Variants in SACS observed in about 807,000 individuals in gnomAD.
SACS encodes the protein sacsin molecular chaperone, also known as sacsin.
In SACS, 197 loss-of-function variants were observed where a neutral mutation model predicts 348.0. The observed-to-expected ratio is 0.57, with a 90% CI of 0.50 to 0.64. The LOEUF (loss-of-function observed/expected upper bound fraction) is 0.64, where lower values mean the gene tolerates loss of function less well. Ranked by LOEUF, SACS falls within the 30% of genes least tolerant of loss-of-function variation. The pLI is 0.00. For missense variants in SACS, 4,999 were observed against 5,360.8 expected, an observed-to-expected ratio of 0.93 and a Z score of 2.11; for synonymous variants, 1,985 against 1,910.6, an observed-to-expected ratio of 1.04 and a Z score of -1.02.
At chr13:23,359,331 A>G (rs1450404128) in intron 6 of SACS, among the ~76,000 whole-genome samples, 3 of 152,210 alleles carry the variant, frequency 2.0e-5, no homozygotes, top group African/African-American at 7.2e-5. Flanking sequence ...AAATATACAC[A>G]ATTTATTTTA....
At chr13:23,356,065 A>G in intron 7 of SACS, 58 bp from the exon 8 acceptor site, 7 of 1,355,026 alleles carry the variant, frequency 5.2e-6, no homozygotes, top group Non-Finnish European at 7.2e-6. Context: ...AATTATGATT[A>G]CAATTATAAT....
Position 23,340,208 on chromosome 13 carries a change from G to A in SACS, c.3668C>T (p.Ala1223Val). 1 of 1,610,864 alleles carries A rather than the reference G, an allele frequency of 6.2e-7. No homozygotes were observed. Among genetic ancestry groups the A allele is most frequent in the East Asian group, 2.2e-5 (1 of 44,836 alleles). ...AACAATTTTAAAGTGTTTTAAGACA[G>A]CACTAAGGCTAGGTTTTGTGAAGAT... is the stretch of plus-strand genomic sequence containing the variant. ...LGIFTKPSLS[A>V]VLKHFKIVVD... Residue 1223 changes from alanine (A) to valine (V), a missense_variant, in exon 10 of 10, where the codon GCT becomes GTT. Around this residue, in one of 6 missense-constraint regions of SACS, gnomAD observed 3,156 missense variants for 3,380.1 expected, o/e 0.93. Coordinates refer to ENST00000382292, the MANE Select transcript of SACS (RefSeq NM_014363.6).
In SACS at chr13:23,421,486, G is replaced by A. The variant is rs1298410972; in HGVS notation, c.-501-9746C>T. The stretch of plus-strand genomic sequence containing the variant: ...CCTGGAACCTGAGTATTTACCTGGG[G>A]TCTGATATGCACCCAGGCCTGTTGC... On this transcript the variant is annotated intron_variant, in intron 1 of 9. Transcript: ENST00000382292. Among the ~76,000 whole-genome samples, 4 of 152,074 alleles carry A rather than the reference G, an allele frequency of 2.6e-5. 1 individual carries two copies. The highest frequency in any genetic ancestry group is 2.6e-4 in the Admixed American group (4 of 15,262).
chr13:23,395,604 T>A (rs913496988), intron 2 of SACS, among the ~76,000 whole-genome samples: 1 of 152,124 alleles, frequency 6.6e-6, no homozygotes, highest in African/African-American at 2.4e-5. Flanking sequence ...ATCACCGGAA[T>A]CTTAGGCCTC....
intron 6 of SACS, among the ~76,000 whole-genome samples, chr13:23,361,431 C>A (rs1870728272): frequency 6.6e-6 from 1 of 152,108 alleles, no homozygotes; most frequent in South Asian, 2.1e-4. Context: ...TGGCCTGTAT[C>A]TACTCTGATC....
intron 1 of SACS, among the ~76,000 whole-genome samples, chr13:23,420,192 G>A (rs1873868834): frequency 6.6e-6 from 1 of 152,152 alleles, no homozygotes; most frequent in Non-Finnish European, 1.5e-5. Context: ...ATACCCAACT[G>A]GGGCCTGCTC....
intron 2 of SACS, among the ~76,000 whole-genome samples, chr13:23,407,499 T>C (rs1326712647): frequency 6.6e-6 from 1 of 152,158 alleles, no homozygotes; most frequent in Non-Finnish European, 1.5e-5. Context: ...ACGCCCGGCC[T>C]GTTTTTCTTT....
chr13:23,392,825 A>T (rs1311174426), intron 2 of SACS, among the ~76,000 whole-genome samples: 2 of 152,164 alleles, frequency 1.3e-5, no homozygotes, highest in Non-Finnish European at 2.9e-5. Flanking sequence ...CATAGAAGGG[A>T]CAAGACAGGC....
chr13:23,338,539 C>G lies in SACS; in HGVS notation c.5337G>C (p.Ser1779=). Residue 1779 remains serine (S), a synonymous_variant, in exon 10 of 10, where the codon TCG becomes TCC. Coordinates refer to ENST00000382292, the MANE Select transcript of SACS (RefSeq NM_014363.6). ...CATCATCTGGACCTCTAAAAAGTGGCGACTGTAAATCAGCAATCCTTCTGA... is the reference window on the plus strand; with the variant it reads ...CATCATCTGGACCTCTAAAAAGTGGGGACTGTAAATCAGCAATCCTTCTGA... The part of the protein sequence containing the change: ...HVFRRIADLQ[S]PLFRGPDDDP... 1 of 1,614,072 alleles carries G rather than the reference C, an allele frequency of 6.2e-7. No homozygotes were observed. Among genetic ancestry groups the G allele is most frequent in the Non-Finnish European group, 8.5e-7 (1 of 1,179,984 alleles).
At chr13:23,413,381 A>T (rs1396445896) in intron 1 of SACS, among the ~76,000 whole-genome samples, 1 of 152,244 alleles carries the variant, frequency 6.6e-6, no homozygotes, top group East Asian at 1.9e-4. Context: ...GTTCTCTTAG[A>T]CATTATCATA....
rs1246013998 is a variant in SACS at position 23,340,392 on chromosome 13, C to A, written c.3484G>T (p.Glu1162Ter). ...GAGCCTGGATAATTTGGAGGCCTTT[C>A]CTTGCAGGCTGGAACCCATTTTATT... Reference protein sequence around the residue: ...KKIKWVPACKERPPNYPGSLV... With the variant: ...KKIKWVPACK Residue 1162 changes from glutamate (E) to a stop codon, truncating the protein, a stop_gained, in exon 10 of 10, where the codon GAA becomes TAA. Transcript: ENST00000382292. LOFTEE classifies it high-confidence loss of function. 2 of 1,614,140 alleles carry A rather than the reference C, an allele frequency of 1.2e-6. No homozygotes were observed. Among genetic ancestry groups the A allele is most frequent in the Non-Finnish European group, 1.7e-6 (2 of 1,180,024 alleles).
chr13:23,392,925 G>A (rs995280044), intron 2 of SACS, among the ~76,000 whole-genome samples: 1 of 152,090 alleles, frequency 6.6e-6, no homozygotes, highest in Admixed American at 6.6e-5. Flanking sequence ...TGAAATACTG[G>A]GCAGGACTGA....
chr13:23,430,752 C>T (rs1874403014), intron 1 of SACS, among the ~76,000 whole-genome samples: 1 of 152,122 alleles, frequency 6.6e-6, no homozygotes. Flanking sequence ...ACTGTAGAGC[C>T]CTTATTTTCT....
chr13:23,415,070 T>G (rs1332388173), intron 1 of SACS, among the ~76,000 whole-genome samples: 1 of 152,126 alleles, frequency 6.6e-6, no homozygotes, highest in Non-Finnish European at 1.5e-5. Flanking sequence ...CTCGCTCTGT[T>G]GCCTAGGCTG....
chr13:23,355,127 A>G lies in SACS; in HGVS notation c.1485T>C (p.Phe495=), dbSNP rs779933721. 9 of 1,614,094 alleles carry G rather than the reference A, an allele frequency of 5.6e-6. No homozygotes were observed. Among genetic ancestry groups the G allele is most frequent in the Non-Finnish European group, 7.6e-6 (9 of 1,180,040 alleles). The change falls in exon 8 of 10, where the codon TTT becomes TTC. Residue 495 remains phenylalanine, a synonymous_variant. Transcript: ENST00000382292. ...CTTTGGGGACAACATTCATGACAAG[A>G]AACTCATTCCATAAGGCTGCCGGGT... ...WRDPAALWNE[F]LVMNVVPKAY...
Position 23,341,338 on chromosome 13 carries a change from T to G in SACS, c.2538A>C (p.Lys846Asn). 6.2e-7 allele frequency: 1 copy of G among 1,605,214 alleles called. No individual in the cohort carries two copies. Among genetic ancestry groups the G allele is most frequent in the Non-Finnish European group, 8.5e-7 (1 of 1,175,344 alleles). Reference sequence around the variant, plus strand: ...ATTTTTTAAGGACAAACCCTCCAAGTTTTTGTACAATGTCTGCTAAAAATT... The same window carrying G: ...ATTTTTTAAGGACAAACCCTCCAAGGTTTTGTACAATGTCTGCTAAAAATT... ...LPEFLADIVQKLGGFVLKKLD... is the reference protein window; with the variant it reads ...LPEFLADIVQNLGGFVLKKLD... Residue 846 changes from lysine to asparagine, a missense_variant, in exon 10 of 10, where the codon AAA (lysine) becomes AAC (asparagine). Transcript: ENST00000382292.
Position 23,331,004 on chromosome 13 carries a change from T to C in SACS, c.12872A>G (p.Lys4291Arg). Residue 4291 changes from lysine (K) to arginine (R), a missense_variant, in exon 10 of 10, where the codon AAA becomes AGA. Lys to Arg is a conservative substitution (Grantham distance 26). Transcript: ENST00000382292. ...SGRESHKTSSKHQSPKKLKVN... is the reference protein window; with the variant it reads ...SGRESHKTSSRHQSPKKLKVN... ...CTTAAGCTTTTTGGGGGACTGATGT[T>C]TGGAAGAAGTCTTGTGGCTCTCTCT... 6.2e-7 allele frequency: 1 copy of C among 1,614,048 alleles called. No homozygotes were observed. Among genetic ancestry groups the C allele is most frequent in the Non-Finnish European group, 8.5e-7 (1 of 1,179,984 alleles).
At chr13:23,372,257 C>T (rs1353462092) in intron 3 of SACS, among the ~76,000 whole-genome samples, 1 of 152,164 alleles carries the variant, frequency 6.6e-6, no homozygotes, top group Non-Finnish European at 1.5e-5. Flanking sequence ...GAGATGGAGA[C>T]TAGCATGAAA....
chr13:23,331,900 A>G lies in SACS; in HGVS notation c.11976T>C (p.Phe3992=). 6.2e-7 allele frequency: 1 copy of G among 1,614,120 alleles called. No homozygotes were observed. The highest frequency in any genetic ancestry group is 8.5e-7 in the Non-Finnish European group (1 of 1,179,956). Residue 3992 remains phenylalanine, a synonymous_variant, in exon 10 of 10, where the codon TTT becomes TTC. Coordinates refer to ENST00000382292, the MANE Select transcript of SACS (RefSeq NM_014363.6). ...LDEETPKVCQ[F]GALCSLQGRL... ...TTCCTTGAAGAGAACACAACGCTCC[A>G]AACTGACAAACTTTGGGAGTCTCTT...
Sources: gnomAD v4.1 joint callset for allele counts (sites outside exome capture counted in the v4.1 genomes callset) on GRCh38, gnomAD v4.1.1 for gene constraint, gnomAD v4.1.1 regional missense constraint, MANE v1.5 for transcripts, NCBI Gene and HGNC (gene_info 2026-07-23, HGNC 2026-07-21) for gene names.